The following NRG3 variants were observed in gnomAD, a reference collection of about 807,000 sequenced individuals.
The protein encoded by NRG3 is pro-neuregulin-3, membrane-bound isoform.
NRG3 carries 31 observed loss-of-function variants against 66.9 expected under a neutral mutation model. The ratio of observed to expected loss-of-function variants is 0.46; its 90% CI spans 0.35 to 0.63. The LOEUF is 0.63. Among genes scored for constraint, NRG3 ranks in the 20% least tolerant of loss-of-function variants. NRG3 has a pLI of 0.00. For synonymous variants in NRG3, 393 were observed against 359.4 expected (o/e 1.09, Z -1.06); for missense variants, 910 against 878.9 (o/e 1.04, Z -0.45).
chr10:82,709,311 C>G (rs1168085522), intron 2 of NRG3, among the ~76,000 whole-genome samples: 1 of 151,758 alleles, frequency 6.6e-6, no homozygotes, highest in Non-Finnish European at 1.5e-5. Context: ...TCCCAGGTGT[C>G]GTTTCTTTCT....
intron 1 of NRG3, among the ~76,000 whole-genome samples, chr10:81,989,268 A>T (rs2060644008): frequency 6.6e-6 from 1 of 152,084 alleles, no homozygotes; most frequent in Admixed American, 6.6e-5. Context: ...TGAACTTGCT[A>T]AGTATACAGT....
chr10:82,021,113 A>G (rs936754673), intron 1 of NRG3, among the ~76,000 whole-genome samples: 2 of 152,036 alleles, frequency 1.3e-5, no homozygotes, highest in African/African-American at 2.4e-5. Context: ...GGCTTCCTGC[A>G]GTGTGGAGCT....
intron 2 of NRG3, among the ~76,000 whole-genome samples, chr10:82,549,402 C>T (rs59233423): frequency 0.022 from 3,362 of 152,138 alleles, 128 homozygotes; most frequent in African/African-American, 0.077. Context: ...GGGTGAGACA[C>T]GAAATGGTTT....
intron 1 of NRG3, among the ~76,000 whole-genome samples, chr10:82,313,486 A>G (rs1450452408): frequency 6.6e-6 from 1 of 152,202 alleles, no homozygotes; most frequent in African/African-American, 2.4e-5. Context: ...GCTTTAAGGC[A>G]GGGCTTGGCT....
intron 1 of NRG3, among the ~76,000 whole-genome samples, chr10:81,879,359 C>G (rs1841978463): frequency 6.6e-6 from 1 of 152,170 alleles, no homozygotes; most frequent in Non-Finnish European, 1.5e-5. Context: ...GTGATTTTGA[C>G]CAATGTACAA....
At position 82,460,134 on chromosome 10, in the gene NRG3, T is replaced by C. The variant is rs1009948448; in HGVS notation, c.953+101266T>C. Among the ~76,000 whole-genome samples, 2 of 152,176 alleles carry C rather than the reference T, an allele frequency of 1.3e-5. 1 individual carries two copies. Among genetic ancestry groups the C allele is most frequent in the Non-Finnish European group, 2.9e-5 (2 of 68,034 alleles). ...ATTACATTCTCTTTCTCCATCCCTT[T>C]GCCATTTTTCTTATGTGTAAAACAG... On this transcript the variant is annotated intron_variant, in intron 2 of 8. Coordinates refer to ENST00000372141, the MANE Select transcript of NRG3 (RefSeq NM_001010848.4).
rs1486420744 is a variant in NRG3 at position 81,876,021 on chromosome 10, G to A, written c.681G>A (p.Ala227=). 1 of 1,613,970 alleles carries A rather than the reference G, an allele frequency of 6.2e-7. No homozygotes were observed. Among genetic ancestry groups the A allele is most frequent in the Non-Finnish European group, 8.5e-7 (1 of 1,180,014 alleles). The change falls in exon 1 of 9, where the codon GCG becomes GCA. Residue 227 remains alanine, a synonymous_variant. Transcript: ENST00000372141. ...AGGCAATGCCCTCCTGGCCTACTGCGGCATACGCTACCTCCTCCTACCTTC... is the reference window on the plus strand; with the variant it reads ...AGGCAATGCCCTCCTGGCCTACTGCAGCATACGCTACCTCCTCCTACCTTC... ...STQAMPSWPT[A]AYATSSYLHD... is the part of the protein sequence containing the mutation.
chr10:82,822,545 C>CTGA (rs1463513119), intron 3 of NRG3, among the ~76,000 whole-genome samples: 4 of 152,142 alleles, frequency 2.6e-5, no homozygotes, highest in Non-Finnish European at 5.9e-5. Flanking sequence ...AAGGTGATTG[C>CTGA]AGGTGTGATT....
chr10:82,344,057 T>C (rs991007303), intron 1 of NRG3, among the ~76,000 whole-genome samples: 2 of 146,426 alleles, frequency 1.4e-5, no homozygotes, highest in Non-Finnish European at 1.5e-5. Flanking sequence ...ACTGCTTTTT[T>C]TTTCTTTCTT....
At chr10:81,938,254 T>A (rs867706538) in intron 1 of NRG3, among the ~76,000 whole-genome samples, 16 of 152,154 alleles carry the variant, frequency 1.1e-4, no homozygotes, top group African/African-American at 2.2e-4. Flanking sequence ...AAAAAAAAAA[T>A]TTCTGCAAAA....
chr10:82,566,181 G>T (rs1026906900), intron 2 of NRG3, among the ~76,000 whole-genome samples: 1 of 151,968 alleles, frequency 6.6e-6, no homozygotes, highest in African/African-American at 2.4e-5. Context: ...GTAATCCCAA[G>T]AAAAGATAAC....
chr10:82,376,278 A>G (rs1326651684), intron 2 of NRG3, among the ~76,000 whole-genome samples: 1 of 152,144 alleles, frequency 6.6e-6, no homozygotes, highest in Non-Finnish European at 1.5e-5. Context: ...GAGCAAACAA[A>G]TTTGGATCTC....
At chr10:82,415,304 A>G (rs1028933451) in intron 2 of NRG3, among the ~76,000 whole-genome samples, 1 of 152,112 alleles carries the variant, frequency 6.6e-6, no homozygotes, top group Admixed American at 6.6e-5. Flanking sequence ...TGCATGCCCT[A>G]TTGTTAAGTG....
At chr10:82,209,077 A>C (rs1214120434) in intron 1 of NRG3, among the ~76,000 whole-genome samples, 1 of 152,218 alleles carries the variant, frequency 6.6e-6, no homozygotes, top group Non-Finnish European at 1.5e-5. Context: ...ACTTGCAAGC[A>C]TAAATCAAGA....
At chr10:82,297,271 A>ATT (rs5786546) in intron 1 of NRG3, among the ~76,000 whole-genome samples, 11 of 149,742 alleles carry the variant, frequency 7.3e-5, no homozygotes, top group Non-Finnish European at 1.3e-4. Flanking sequence ...TTGATAAAAC[A>ATT]TTTTTTTTTT....
At chr10:82,588,509 T>A (rs1192310719) in intron 2 of NRG3, among the ~76,000 whole-genome samples, 1 of 152,006 alleles carries the variant, frequency 6.6e-6, no homozygotes, top group Non-Finnish European at 1.5e-5. Context: ...GAACCTTTTT[T>A]TTTTCTTTTT....
chr10:82,573,773 C>T (rs1209348097), intron 2 of NRG3, among the ~76,000 whole-genome samples: 1 of 151,756 alleles, frequency 6.6e-6, no homozygotes, highest in African/African-American at 2.4e-5. Flanking sequence ...TTATGCCAGA[C>T]AAAATGGAAG....
chr10:82,417,979 G>A (rs1445713725), intron 2 of NRG3, among the ~76,000 whole-genome samples: 1 of 152,186 alleles, frequency 6.6e-6, no homozygotes, highest in Non-Finnish European at 1.5e-5. Context: ...TTTTGTGAAA[G>A]GAAATTTCAA....
chr10:82,346,575 C>T (rs962617455), intron 1 of NRG3, among the ~76,000 whole-genome samples: 19 of 152,016 alleles, frequency 1.2e-4, no homozygotes, highest in African/African-American at 4.6e-4. Context: ...TGATGCTGGC[C>T]TCATAAAACG....
Sources: allele counts gnomAD v4.1 joint callset (sites outside exome capture counted in the v4.1 genomes callset), GRCh38; gene constraint gnomAD v4.1.1; transcripts MANE v1.5; gene names NCBI Gene and HGNC (gene_info 2026-07-23, HGNC 2026-07-21).